The following SETBP1 variants were observed in gnomAD, a reference collection of about 807,000 sequenced individuals.
The protein encoded by SETBP1 is SET-binding protein.
A neutral mutation model predicts 101.0 loss-of-function variants in SETBP1; 9 were observed. That is an observed-to-expected ratio of 0.09 (90% CI 0.05 to 0.16). The LOEUF (loss-of-function observed/expected upper bound fraction) is 0.16. Ranked by LOEUF, SETBP1 falls within the 10% of genes least tolerant of loss-of-function variation. SETBP1 has a pLI of 1.00. For synonymous variants in SETBP1, 818 were observed against 788.5 expected (o/e 1.04, Z -0.63); for missense variants, 1,858 against 2,033.8 (o/e 0.91, Z 1.66).
intron 4 of SETBP1, among the ~76,000 whole-genome samples, chr18:45,035,342 C>A (rs189904278): frequency 3.2e-4 from 48 of 152,214 alleles, no homozygotes; most frequent in African/African-American, 1.2e-3. Context: ...GAAAGCCGTA[C>A]TATAATCTAG....
At chr18:44,960,483 T>A (rs1229077938) in intron 4 of SETBP1, among the ~76,000 whole-genome samples, 1 of 152,088 alleles carries the variant, frequency 6.6e-6, no homozygotes, top group African/African-American at 2.4e-5. Context: ...TACAGGTGTA[T>A]GCCACCATAC....
intron 3 of SETBP1, among the ~76,000 whole-genome samples, chr18:44,898,001 AG>A (rs2144815400): frequency 6.6e-6 from 1 of 152,308 alleles, no homozygotes; most frequent in African/African-American, 2.4e-5. Context: ...TGTCCTAAAA[AG>A]GTAGGTGTGT....
intron 5 of SETBP1, among the ~76,000 whole-genome samples, chr18:45,042,371 A>T (rs1317160020): frequency 1.3e-5 from 2 of 152,106 alleles, no homozygotes; most frequent in Non-Finnish European, 2.9e-5. Flanking sequence ...GCTGGTCTCG[A>T]ACTCCTGACC....
intron 4 of SETBP1, among the ~76,000 whole-genome samples, chr18:44,978,297 T>C (rs1330502131): frequency 6.6e-6 from 1 of 152,186 alleles, no homozygotes; most frequent in Non-Finnish European, 1.5e-5. Flanking sequence ...ATTTTCTTTT[T>C]TTTATTCCGA....
At chr18:44,882,307 G>A (rs2069547442) in intron 3 of SETBP1, among the ~76,000 whole-genome samples, 1 of 152,088 alleles carries the variant, frequency 6.6e-6, no homozygotes, top group Admixed American at 6.5e-5. Flanking sequence ...CTCAGTCCAG[G>A]AAGGTGCTAA....
chr18:44,999,030 T>A (rs926811385), intron 4 of SETBP1, among the ~76,000 whole-genome samples: 1 of 152,190 alleles, frequency 6.6e-6, no homozygotes, highest in Non-Finnish European at 1.5e-5. Context: ...CAGAAAACAA[T>A]CCTGATCATC....
chr18:44,968,203 A>G (rs922933279), intron 4 of SETBP1, among the ~76,000 whole-genome samples: 4 of 152,148 alleles, frequency 2.6e-5, no homozygotes, highest in Admixed American at 6.5e-5. Flanking sequence ...ATATGAATAT[A>G]TATGTATAGT....
chr18:44,761,663 G>A (rs2070650945), intron 2 of SETBP1, among the ~76,000 whole-genome samples: 1 of 152,176 alleles, frequency 6.6e-6, no homozygotes, highest in Non-Finnish European at 1.5e-5. Flanking sequence ...GATCTATGTT[G>A]TTATGTCAGT....
intron 3 of SETBP1, among the ~76,000 whole-genome samples, chr18:44,915,551 T>C (rs1021204668): frequency 6.6e-6 from 1 of 152,088 alleles, no homozygotes; most frequent in African/African-American, 2.4e-5. Context: ...AGCTAACAAC[T>C]AAGGACTCAA....
chr18:44,796,455 T>C (rs2071477002), intron 2 of SETBP1, among the ~76,000 whole-genome samples: 1 of 152,330 alleles, frequency 6.6e-6, no homozygotes, highest in African/African-American at 2.4e-5. Context: ...TGGGGAACTA[T>C]TAAAATACCA....
chr18:44,908,328 G>A (rs1262040313), intron 3 of SETBP1, among the ~76,000 whole-genome samples: 2 of 152,088 alleles, frequency 1.3e-5, no homozygotes, highest in Non-Finnish European at 2.9e-5. Context: ...TGGGATTACA[G>A]GTGTGAGCCA....
chr18:44,878,763 T>C (rs896644579), intron 3 of SETBP1, among the ~76,000 whole-genome samples: 4 of 152,180 alleles, frequency 2.6e-5, no homozygotes, highest in African/African-American at 9.7e-5. Flanking sequence ...TCCTTCCACC[T>C]ATCTACTCAC....
chr18:44,810,070 T>C (rs920893779), intron 2 of SETBP1, among the ~76,000 whole-genome samples: 2 of 152,194 alleles, frequency 1.3e-5, no homozygotes, highest in Non-Finnish European at 2.9e-5. Flanking sequence ...CTGCATTTAT[T>C]AGAAAGTAAA....
Position 45,063,923 on chromosome 18 carries a change from G to C in SETBP1, c.*225G>C. On this transcript the variant is annotated 3_prime_UTR_variant, in exon 6 of 6. Transcript: ENST00000649279. ...AGAAGCTTGTCTGAGCTTCACCGCAGCTCCCACCACGCGGCGCTTCAGTAC... is the reference window on the plus strand; with the variant it reads ...AGAAGCTTGTCTGAGCTTCACCGCACCTCCCACCACGCGGCGCTTCAGTAC... The C allele has an allele frequency of 2.0e-6, 1 of 511,918 alleles. No individual in the cohort carries two copies. Among genetic ancestry groups the C allele is most frequent in the South Asian group, 2.2e-5 (1 of 45,410 alleles). The allele number at this position is 511,918 out of a possible 1,614,324, so 31.7% of individuals were successfully genotyped here.
chr18:44,685,524 A>G (rs1000898789), intron 1 of SETBP1, among the ~76,000 whole-genome samples: 16 of 152,092 alleles, frequency 1.1e-4, no homozygotes, highest in African/African-American at 3.9e-4. Flanking sequence ...AAGTGACAAG[A>G]TCCTCTTTGG....
chr18:45,006,897 A>G (rs2072741108), intron 4 of SETBP1, among the ~76,000 whole-genome samples: 1 of 152,210 alleles, frequency 6.6e-6, no homozygotes, highest in South Asian at 2.1e-4. Flanking sequence ...TGAACTCTAC[A>G]GCACATAACA....
chr18:45,013,654 G>T (rs556784978), intron 4 of SETBP1, among the ~76,000 whole-genome samples: 2 of 152,134 alleles, frequency 1.3e-5, no homozygotes, highest in African/African-American at 4.8e-5. Flanking sequence ...TGGCCAGACT[G>T]GTCTCGAACT....
At chr18:44,836,834 T>G (rs2072505056) in intron 2 of SETBP1, among the ~76,000 whole-genome samples, 1 of 152,204 alleles carries the variant, frequency 6.6e-6, no homozygotes, top group African/African-American at 2.4e-5. Context: ...GCTTCTCTGC[T>G]CATGTTCCAG....
At chr18:45,016,066 A>T (rs1172081504) in intron 4 of SETBP1, among the ~76,000 whole-genome samples, 2 of 152,206 alleles carry the variant, frequency 1.3e-5, no homozygotes, top group African/African-American at 4.8e-5. Context: ...AAGAAAACAA[A>T]CAACAAAAGA....
Sources: allele counts gnomAD v4.1 joint callset (sites outside exome capture counted in the v4.1 genomes callset), GRCh38; gene constraint gnomAD v4.1.1; transcripts MANE v1.5; gene names NCBI Gene and HGNC (gene_info 2026-07-23, HGNC 2026-07-21).